The following UBE2L3 variants were observed in gnomAD, a reference collection of about 807,000 sequenced individuals.
The protein encoded by UBE2L3 is ubiquitin conjugating enzyme E2 L3, also known as ubiquitin-conjugating enzyme E2 L3.
In UBE2L3, 1 loss-of-function variant was observed where a neutral mutation model predicts 17.8. That is an observed-to-expected ratio of 0.06 (90% CI 0.02 to 0.27). The LOEUF (loss-of-function observed/expected upper bound fraction) is 0.27. Ranked by LOEUF, UBE2L3 falls within the 10% of genes least tolerant of loss-of-function variation. The probability of loss-of-function intolerance (pLI) is 1.00; values close to 1 mark genes in which losing one functional copy is unlikely to be tolerated. For synonymous variants in UBE2L3, 44 were observed against 68.5 expected (o/e 0.64, Z 1.76); for missense variants, 40 against 192.6 (o/e 0.21, Z 4.69).
Position 21,567,784 on chromosome 22 carries a change from C to A in UBE2L3, c.27+13C>A, listed in dbSNP as rs532529556. 1.3e-6 allele frequency: 2 copies of A among 1,578,984 alleles called. No individual in the cohort carries two copies. Among genetic ancestry groups the A allele is most frequent in the Admixed American group, 3.8e-5 (2 of 52,732 alleles). On this transcript the variant is annotated intron_variant, in intron 1 of 3. Transcript: ENST00000342192. ...GAGGCTGATGAAGGTAAAAGCCATTCTCTGGCAGCGGCCGGGCGTGGGGCG... is the reference window on the plus strand; with the variant it reads ...GAGGCTGATGAAGGTAAAAGCCATTATCTGGCAGCGGCCGGGCGTGGGGCG...
At chr22:21,562,000 AC>A (rs1455958234) in intron 1 of UBE2L3, among the ~76,000 whole-genome samples, 3 of 152,158 alleles carry the variant, frequency 2.0e-5, no homozygotes, top group East Asian at 3.9e-4. Context: ...CAGCAGAGGC[AC>A]TTTCTTTTCC....
At chr22:21,581,081 G>A (rs865871304) in intron 1 of UBE2L3, among the ~76,000 whole-genome samples, 12 of 141,746 alleles carry the variant, frequency 8.5e-5, no homozygotes, top group Admixed American at 1.4e-4. Context: ...TTGAGATGGA[G>A]TCTCACCCTG....
At chr22:21,572,038 A>G (rs1391160816) in intron 1 of UBE2L3, among the ~76,000 whole-genome samples, 1 of 152,154 alleles carries the variant, frequency 6.6e-6, no homozygotes, top group Non-Finnish European at 1.5e-5. Flanking sequence ...GGACTGTTTC[A>G]GCCTCCCTTA....
upstream of UBE2L3, among the ~76,000 whole-genome samples, chr22:21,565,387 C>T (rs1052029691): frequency 1.1e-4 from 17 of 151,900 alleles, no homozygotes; most frequent in Non-Finnish European, 1.5e-4. Flanking sequence ...CCACCACACC[C>T]GGCCCCAGGA....
At chr22:21,601,645 G>A (rs1420853715) in intron 2 of UBE2L3, among the ~76,000 whole-genome samples, 1 of 151,672 alleles carries the variant, frequency 6.6e-6, no homozygotes, top group Non-Finnish European at 1.5e-5. Flanking sequence ...TTCCAGAGTG[G>A]ATCACGAAGG....
At chr22:21,559,898 T>G (rs1236060096) in intron 1 of UBE2L3, among the ~76,000 whole-genome samples, 1 of 152,292 alleles carries the variant, frequency 6.6e-6, no homozygotes, top group African/African-American at 2.4e-5. Context: ...TGGATGGGGC[T>G]GGATACCTGG....
chr22:21,608,650 C>T (rs1323884347), intron 2 of UBE2L3, among the ~76,000 whole-genome samples: 1 of 151,988 alleles, frequency 6.6e-6, no homozygotes, highest in African/African-American at 2.4e-5. Flanking sequence ...GTCTTGAACT[C>T]CTGACCTCAA....
intron 1 of UBE2L3, among the ~76,000 whole-genome samples, chr22:21,569,134 C>T (rs1926816292): frequency 6.6e-6 from 1 of 150,836 alleles, no homozygotes; most frequent in South Asian, 2.1e-4. Context: ...ATGGCTCACG[C>T]CTGTAATCCC....
At chr22:21,561,399 C>A (rs1222786028) in intron 1 of UBE2L3, among the ~76,000 whole-genome samples, 1 of 152,302 alleles carries the variant, frequency 6.6e-6, no homozygotes, top group Non-Finnish European at 1.5e-5. Flanking sequence ...AATATAGAGA[C>A]AAACTGTCTC....
intron 1 of UBE2L3, among the ~76,000 whole-genome samples, chr22:21,556,603 T>C (rs1926234181): frequency 6.6e-6 from 1 of 150,922 alleles, no homozygotes; most frequent in Admixed American, 6.6e-5. Flanking sequence ...CTAATTTTTC[T>C]TTTCTTTTTT....
At chr22:21,615,587 A>G (rs1285719384) in intron 3 of UBE2L3, among the ~76,000 whole-genome samples, 1 of 152,122 alleles carries the variant, frequency 6.6e-6, no homozygotes, top group Non-Finnish European at 1.5e-5. Flanking sequence ...AATATGCTAA[A>G]TGAAAGAACC....
chr22:21,608,741 A>ATTT lies in UBE2L3; in HGVS notation c.124-2097_124-2095dup, dbSNP rs779049247. ...AGCCTGGCCCAGGCTAATATATTTA[A>ATTT]TTTTTTTTTTTTTTTTTTTTTGTAG... On this transcript the variant is annotated intron_variant, in intron 2 of 3. Coordinates refer to ENST00000342192, the MANE Select transcript of UBE2L3 (RefSeq NM_003347.4). Among the ~76,000 whole-genome samples, 1,013 of 109,812 alleles carry ATTT rather than the reference A, an allele frequency of 9.2e-3. 53 individuals carry two copies. The highest frequency in any genetic ancestry group is 0.07 in the Admixed American group (668 of 9,536). 72.0% of individuals were successfully genotyped at this position (109,812 alleles called of 152,430 possible).
chr22:21,568,914 T>C (rs929918618), intron 1 of UBE2L3, among the ~76,000 whole-genome samples: 1 of 152,138 alleles, frequency 6.6e-6, no homozygotes, highest in African/African-American at 2.4e-5. Flanking sequence ...AGAGAGGACA[T>C]TAACTTTATA....
intron 1 of UBE2L3, among the ~76,000 whole-genome samples, chr22:21,578,548 T>TG (rs1447290513): frequency 1.3e-5 from 2 of 151,872 alleles, no homozygotes; most frequent in African/African-American, 4.8e-5. Context: ...GTCAGTCTGG[T>TG]AGGGGGGTGC....
At chr22:21,600,355 T>G (rs974697239) in intron 2 of UBE2L3, among the ~76,000 whole-genome samples, 1 of 151,858 alleles carries the variant, frequency 6.6e-6, no homozygotes, top group Non-Finnish European at 1.5e-5. Flanking sequence ...AACTTATTCC[T>G]ACTATTTACT....
At chr22:21,610,412 G>A (rs752472648) in intron 2 of UBE2L3, among the ~76,000 whole-genome samples, 3 of 152,158 alleles carry the variant, frequency 2.0e-5, no homozygotes, top group Non-Finnish European at 2.9e-5. Context: ...CCAAGTATGA[G>A]CCCTAACATA....
At chr22:21,614,944 C>T (rs946456001) in intron 3 of UBE2L3, among the ~76,000 whole-genome samples, 25 of 150,050 alleles carry the variant, frequency 1.7e-4, no homozygotes, top group Non-Finnish European at 2.1e-4. Flanking sequence ...ACCTGAGGTC[C>T]GGAGTTCAAG....
intron 1 of UBE2L3, among the ~76,000 whole-genome samples, chr22:21,578,886 C>T (rs1004242280): frequency 6.6e-6 from 1 of 152,036 alleles, no homozygotes; most frequent in Non-Finnish European, 1.5e-5. Context: ...TAGTGTTGTG[C>T]CTTTGAGCCT....
intron 3 of UBE2L3, chr22:21,614,442 A>T: frequency 1.8e-6 from 1 of 546,640 alleles, no homozygotes; most frequent in South Asian, 1.7e-5. Context: ...AAAAAAAAAG[A>T]AAGAAAGAAA....
Sources: gnomAD v4.1 joint callset for allele counts (sites outside exome capture counted in the v4.1 genomes callset) on GRCh38, gnomAD v4.1.1 for gene constraint, MANE v1.5 for transcripts, NCBI Gene and HGNC (gene_info 2026-07-23, HGNC 2026-07-21) for gene names.